The following SHISAL1 variants were observed in gnomAD, a reference collection of about 807,000 sequenced individuals.
SHISAL1 encodes the protein protein shisa-like-1.
A neutral mutation model predicts 22.6 loss-of-function variants in SHISAL1; 9 were observed. The ratio of observed to expected loss-of-function variants is 0.40; its 90% CI spans 0.24 to 0.70. SHISAL1 has a LOEUF of 0.70. SHISAL1 is among the 30% of genes least tolerant of loss of function. The probability of loss-of-function intolerance (pLI) is 0.39; values close to 1 mark genes in which losing one functional copy is unlikely to be tolerated. For missense variants in SHISAL1, 246 were observed against 270.6 expected, an observed-to-expected ratio of 0.91 and a Z score of 0.64; for synonymous variants, 119 against 115.4, an observed-to-expected ratio of 1.03 and a Z score of -0.20.
the SHISAL1 span, among the ~76,000 whole-genome samples, chr22:44,324,330 T>C: frequency 6.6e-6 from 1 of 152,174 alleles, no homozygotes; most frequent in Admixed American, 6.5e-5. Flanking sequence ...GCCATGGTGC[T>C]GGGTAAGAAA....
intron 4 of SHISAL1, among the ~76,000 whole-genome samples, chr22:44,268,207 A>T (rs1455742734): frequency 6.6e-6 from 1 of 152,174 alleles, no homozygotes; most frequent in African/African-American, 2.4e-5. Flanking sequence ...TAATGGGAGG[A>T]GGCATTAGAC....
rs1441970091 is a variant in SHISAL1 at position 44,248,213 on chromosome 22, C to G, written c.*1472G>C. On this transcript the variant is annotated 3_prime_UTR_variant, in exon 5 of 5. Transcript: ENST00000381176. ...AGAAAGCTAGCACAGTGAGCAGGGA[C>G]CTGCCTTGCTCACTGTCGTGTCTGG... is the stretch of plus-strand genomic sequence containing the variant. The G allele has an allele frequency of 6.6e-6, 1 of 150,752 alleles. No homozygotes were observed. Among genetic ancestry groups the G allele is most frequent in the Non-Finnish European group, 1.5e-5 (1 of 68,054 alleles). 9.3% of individuals were successfully genotyped at this position (150,752 alleles called of 1,614,324 possible).
chr22:44,297,031 C>T, intron 2 of SHISAL1, 146 bp from the exon 3 acceptor site: 1 of 647,082 alleles, frequency 1.5e-6, no homozygotes, highest in Non-Finnish European at 2.7e-6. Flanking sequence ...AGCCTCACCT[C>T]TGGGTTCCCA....
At chr22:44,252,866 G>T (rs530115165) in intron 4 of SHISAL1, among the ~76,000 whole-genome samples, 170 of 152,010 alleles carry the variant, frequency 1.1e-3, no homozygotes, top group African/African-American at 4.0e-3. Flanking sequence ...GTGGTGGTGG[G>T]TGCCTGCAGT....
Position 44,279,992 on chromosome 22 carries a change from T to C in SHISAL1, c.599+5436A>G, listed in dbSNP as rs113122985. Among the ~76,000 whole-genome samples, 18 of 152,220 alleles carry C rather than the reference T, an allele frequency of 1.2e-4. 1 individual carries two copies. The highest frequency in any genetic ancestry group is 3.4e-4 in the African/African-American group (14 of 41,544). The stretch of plus-strand genomic sequence containing the variant: ...CCCCTTGAGCCAAGTTGGGAATTTT[T>C]CCCTGAACTCTGACAGCCTGCGAGG... On this transcript the variant is annotated intron_variant, in intron 4 of 4. Coordinates refer to ENST00000381176, the MANE Select transcript of SHISAL1 (RefSeq NM_001099294.2).
intron 4 of SHISAL1, among the ~76,000 whole-genome samples, chr22:44,283,110 C>T (rs1201068335): frequency 1.3e-5 from 2 of 152,250 alleles, no homozygotes; most frequent in Non-Finnish European, 1.5e-5. Context: ...CCCAGAGTCA[C>T]GCTGCGTGTC....
At chr22:44,302,365 G>A (rs984507636) in intron 1 of SHISAL1, among the ~76,000 whole-genome samples, 9 of 151,906 alleles carry the variant, frequency 5.9e-5, no homozygotes, top group African/African-American at 1.5e-4. Flanking sequence ...AAAAAGGAGC[G>A]GGGAGGAGTT....
intron 4 of SHISAL1, among the ~76,000 whole-genome samples, chr22:44,265,392 C>G (rs1375726587): frequency 6.6e-6 from 1 of 152,132 alleles, no homozygotes; most frequent in East Asian, 1.9e-4. Flanking sequence ...GAGAGGCCCA[C>G]CTGGTGAGCA....
At chr22:44,302,339 CAAA>C (rs35335428) in intron 1 of SHISAL1, among the ~76,000 whole-genome samples, 599 of 97,968 alleles carry the variant, frequency 6.1e-3, no homozygotes, top group African/African-American at 0.015. Flanking sequence ...GACTCCGTCT[CAAA>C]AAAAAAAAAA....
chr22:44,309,889 C>T (rs573596326), intron 1 of SHISAL1, among the ~76,000 whole-genome samples: 1 of 152,348 alleles, frequency 6.6e-6, no homozygotes, highest in Non-Finnish European at 1.5e-5. Flanking sequence ...AGGCTCCACG[C>T]CTGCATATGA....
At chr22:44,262,940 G>T (rs1395852997) in intron 4 of SHISAL1, among the ~76,000 whole-genome samples, 1 of 152,184 alleles carries the variant, frequency 6.6e-6, no homozygotes, top group Non-Finnish European at 1.5e-5. Flanking sequence ...GAGTCATGAG[G>T]CACAACACGC....
At chr22:44,301,208 A>G (rs989702674) in intron 1 of SHISAL1, among the ~76,000 whole-genome samples, 3 of 152,136 alleles carry the variant, frequency 2.0e-5, no homozygotes, top group African/African-American at 7.2e-5. Flanking sequence ...GCAAAATGAG[A>G]CTTAATCAAA....
At chr22:44,323,797 G>A in the SHISAL1 span, among the ~76,000 whole-genome samples, 1 of 152,256 alleles carries the variant, frequency 6.6e-6, no homozygotes, top group Non-Finnish European at 1.5e-5. Flanking sequence ...CCAGGATAGA[G>A]AGAGGCTCTC....
chr22:44,282,670 G>C (rs2055284825), intron 4 of SHISAL1, among the ~76,000 whole-genome samples: 1 of 152,218 alleles, frequency 6.6e-6, no homozygotes, highest in South Asian at 2.1e-4. Flanking sequence ...GACTTCTGGA[G>C]GTGAAAGCAG....
intron 1 of SHISAL1, among the ~76,000 whole-genome samples, chr22:44,308,567 C>T (rs1247817346): frequency 6.6e-6 from 1 of 152,194 alleles, no homozygotes; most frequent in Non-Finnish European, 1.5e-5. Flanking sequence ...AGTTCTTCCC[C>T]CGTGATTCTC....
upstream of SHISAL1, among the ~76,000 whole-genome samples, chr22:44,316,334 G>A (rs1345275861): frequency 6.7e-6 from 1 of 148,962 alleles, no homozygotes; most frequent in Non-Finnish European, 1.5e-5. Flanking sequence ...CCCAGGGTAG[G>A]CCAGGATGAA....
In SHISAL1 at chr22:44,301,649, C is replaced by T. The variant is rs565262556; in HGVS notation, c.-32-672G>A. 3.9e-5 allele frequency among the ~76,000 whole-genome samples: 6 copies of T among 152,346 alleles called. No homozygotes were observed. The South Asian group carries it at 1.2e-3, about 32-fold the overall frequency. The stretch of plus-strand genomic sequence containing the variant: ...CTTCACCTTAGTCAAAAGGTAGAGG[C>T]AACCCATGTGCCCATCGAGGGATGG... On this transcript the variant is annotated intron_variant, in intron 1 of 4. Coordinates refer to ENST00000381176, the MANE Select transcript of SHISAL1 (RefSeq NM_001099294.2).
chr22:44,298,468 G>C lies in SHISAL1; in HGVS notation c.68-1583C>G, dbSNP rs1057308556. On this transcript the variant is annotated intron_variant, in intron 2 of 4. Coordinates refer to ENST00000381176, the MANE Select transcript of SHISAL1 (RefSeq NM_001099294.2). ...CTCCAGGGGATGCTGATGGGCTTGG[G>C]TTTGGGGCCCACTGGCCTAGCGGCA... Among the ~76,000 whole-genome samples the C allele has an allele frequency of 4.0e-5, 6 of 151,056 alleles. No individual in the cohort carries two copies. The Admixed American group carries it at 4.0e-4, about 10-fold the overall frequency.
In SHISAL1 at chr22:44,302,415, A is replaced by G. The variant is rs1261433419; in HGVS notation, c.-32-1438T>C. Among the ~76,000 whole-genome samples, 7 of 77,568 alleles carry G rather than the reference A, an allele frequency of 9.0e-5. No individual in the cohort carries two copies. In the South Asian group the frequency reaches 2.4e-3, roughly 27 times the overall value. 50.9% of individuals were successfully genotyped at this position (77,568 alleles called of 152,430 possible). A position where few individuals can be genotyped will look rare whatever the true frequency, so the allele number is the denominator to read the frequency against. On this transcript the variant is annotated intron_variant, in intron 1 of 4. Coordinates refer to ENST00000381176, the MANE Select transcript of SHISAL1 (RefSeq NM_001099294.2). ...TCTGTAATGTATATTTTGCCACAAT[A>G]AAAAAAAATTTTTAATGTTACGAGG...
Sources: allele counts gnomAD v4.1 joint callset (sites outside exome capture counted in the v4.1 genomes callset), GRCh38; gene constraint gnomAD v4.1.1; transcripts MANE v1.5; gene names NCBI Gene and HGNC (gene_info 2026-07-23, HGNC 2026-07-21).